The following STPG2 variants were observed in gnomAD, a reference collection of about 807,000 sequenced individuals.
The protein encoded by STPG2 is sperm tail PG-rich repeat containing 2, also known as sperm-tail PG-rich repeat-containing protein 2.
STPG2 carries 56 observed loss-of-function variants against 54.2 expected under a neutral mutation model. The observed-to-expected ratio is 1.03, with a 90% confidence interval of 0.83 to 1.29. The LOEUF is 1.29. Among genes scored for constraint, STPG2 ranks in the 50% most tolerant of loss-of-function variants. STPG2 has a pLI of 0.00. For synonymous variants in STPG2, 200 were observed against 181.8 expected, an observed-to-expected ratio of 1.10 and a Z score of -0.81; for missense variants, 596 against 544.9, an observed-to-expected ratio of 1.09 and a Z score of -0.93.
At chr4:97,955,724 C>T (rs1733650614) in intron 7 of STPG2, among the ~76,000 whole-genome samples, 1 of 152,128 alleles carries the variant, frequency 6.6e-6, no homozygotes, top group Non-Finnish European at 1.5e-5. Context: ...GAAAACAACA[C>T]TTCAGACACA....
At chr4:97,567,446 A>T (rs1040456397) in intron 10 of STPG2, among the ~76,000 whole-genome samples, 1 of 148,758 alleles carries the variant, frequency 6.7e-6, no homozygotes, top group Non-Finnish European at 1.5e-5. Flanking sequence ...TTATATATAT[A>T]TGTATATATA....
chr4:97,600,129 T>C (rs1001841360), intron 10 of STPG2, among the ~76,000 whole-genome samples: 8 of 152,148 alleles, frequency 5.3e-5, no homozygotes, highest in African/African-American at 1.9e-4. Flanking sequence ...AAAAACTGTC[T>C]ATCAGATAAT....
chr4:97,899,258 C>T (rs1731077403), intron 8 of STPG2, among the ~76,000 whole-genome samples: 1 of 151,850 alleles, frequency 6.6e-6, no homozygotes, highest in African/African-American at 2.4e-5. Context: ...AGGAATACAA[C>T]TAACCAGAGA....
At position 97,824,732 on chromosome 4, in the gene STPG2, A is replaced by C. The variant is rs553185951; in HGVS notation, c.1204+16041T>G. Among the ~76,000 whole-genome samples, 5 of 152,306 alleles carry C rather than the reference A, an allele frequency of 3.3e-5. No individual in the cohort carries two copies. The East Asian group carries it at 5.8e-4, about 18-fold the overall frequency. On this transcript the variant is annotated intron_variant, in intron 9 of 10. Transcript: ENST00000295268. ...TTGCTAAAAGACTTCACAAGCTCAA[A>C]ATTGGCTGCTCTAGACTCCTTCTGG...
intron 9 of STPG2, among the ~76,000 whole-genome samples, chr4:97,828,830 T>C (rs921552080): frequency 7.9e-5 from 12 of 152,152 alleles, no homozygotes; most frequent in African/African-American, 2.9e-4. Context: ...ACTGCCTCTC[T>C]AGATTCCTCC....
chr4:98,068,483 G>A (rs990869354), intron 5 of STPG2, among the ~76,000 whole-genome samples: 4 of 152,024 alleles, frequency 2.6e-5, no homozygotes, highest in African/African-American at 9.7e-5. Flanking sequence ...ATAAATTATT[G>A]AATGAAACGC....
At chr4:97,597,944 C>A (rs994723363) in intron 10 of STPG2, among the ~76,000 whole-genome samples, 1 of 152,132 alleles carries the variant, frequency 6.6e-6, no homozygotes, top group Middle Eastern at 3.4e-3. Flanking sequence ...ATCAAACTAT[C>A]TCTGGTTGCA....
intron 5 of STPG2, among the ~76,000 whole-genome samples, chr4:97,982,437 G>C (rs557778557): frequency 6.0e-5 from 9 of 149,436 alleles, no homozygotes; most frequent in Admixed American, 5.3e-4. Flanking sequence ...CATATTTCAT[G>C]GCTCTTTACC....
chr4:98,009,288 T>A (rs1735665242), intron 5 of STPG2, among the ~76,000 whole-genome samples: 1 of 151,924 alleles, frequency 6.6e-6, no homozygotes, highest in African/African-American at 2.4e-5. Flanking sequence ...TTTTTTTCAT[T>A]TTTTTATCTC....
chr4:98,085,610 T>C (rs899480731), intron 5 of STPG2, among the ~76,000 whole-genome samples: 5 of 152,080 alleles, frequency 3.3e-5, no homozygotes, highest in Non-Finnish European at 5.9e-5. Flanking sequence ...TGTTCATAAT[T>C]TGATAAATGT....
chr4:97,964,154 T>A (rs1734002063), intron 7 of STPG2, among the ~76,000 whole-genome samples: 1 of 152,196 alleles, frequency 6.6e-6, no homozygotes, highest in African/African-American at 2.4e-5. Flanking sequence ...GACAAAGGAC[T>A]TTATTCCTCA....
chr4:97,993,545 A>AT (rs71588926), intron 5 of STPG2, among the ~76,000 whole-genome samples: 6,842 of 142,124 alleles, frequency 0.048, 282 homozygotes, highest in African/African-American at 0.11. Flanking sequence ...TTTCTTTTCT[A>AT]TTTTTTTTTT....
At chr4:97,878,275 CT>C (rs1317427079) in intron 8 of STPG2, among the ~76,000 whole-genome samples, 1 of 152,136 alleles carries the variant, frequency 6.6e-6, no homozygotes, top group Non-Finnish European at 1.5e-5. Context: ...TACAATGGAT[CT>C]CTTTTCACAG....
intron 10 of STPG2, among the ~76,000 whole-genome samples, chr4:97,622,369 T>G (rs1347891621): frequency 6.6e-6 from 1 of 152,134 alleles, no homozygotes; most frequent in Non-Finnish European, 1.5e-5. Context: ...ACTCTATACC[T>G]AGAAAACCCC....
At chr4:98,004,550 TA>T (rs1735515148) in intron 5 of STPG2, among the ~76,000 whole-genome samples, 1 of 152,184 alleles carries the variant, frequency 6.6e-6, no homozygotes, top group African/African-American at 2.4e-5. Context: ...TTTTATATTT[TA>T]AAAAACTTCC....
intron 5 of STPG2, among the ~76,000 whole-genome samples, chr4:98,055,589 G>A (rs1344383715): frequency 6.6e-6 from 1 of 152,186 alleles, no homozygotes; most frequent in Non-Finnish European, 1.5e-5. Context: ...GACACTTGAG[G>A]TGGCAGAGAG....
At chr4:97,543,884 A>G (rs986842141) in intron 4 of STPG2, among the ~76,000 whole-genome samples, 2 of 152,106 alleles carry the variant, frequency 1.3e-5, no homozygotes, top group African/African-American at 4.8e-5. Flanking sequence ...AGATCCTGGT[A>G]GAGCTCAAAT....
intron 5 of STPG2, among the ~76,000 whole-genome samples, chr4:97,988,174 G>A (rs1734885849): frequency 6.6e-6 from 1 of 151,746 alleles, no homozygotes. Flanking sequence ...CTTGGCATTT[G>A]GCAGTCTGTC....
intron 8 of STPG2, among the ~76,000 whole-genome samples, chr4:97,854,596 A>C (rs757098448): frequency 1.6e-4 from 24 of 151,922 alleles, no homozygotes; most frequent in Non-Finnish European, 3.1e-4. Flanking sequence ...GGGATCGGGA[A>C]TAAAACAGAC....
Sources: gnomAD v4.1 joint callset for allele counts (sites outside exome capture counted in the v4.1 genomes callset) on GRCh38, gnomAD v4.1.1 for gene constraint, MANE v1.5 for transcripts, NCBI Gene and HGNC (gene_info 2026-07-23, HGNC 2026-07-21) for gene names.